SMARCA2: variants seen among roughly 807,000 people sequenced by gnomAD.
SMARCA2 encodes the protein SWI/SNF related BAF chromatin remodeling complex subunit ATPase 2.
A neutral mutation model predicts 199.8 loss-of-function variants in SMARCA2; 61 were observed. The observed-to-expected ratio is 0.31, with a 90% confidence interval of 0.25 to 0.38. The LOEUF (loss-of-function observed/expected upper bound fraction) is 0.38. SMARCA2 is among the 10% of genes least tolerant of loss of function. The pLI, the probability that SMARCA2 is intolerant of heterozygous loss-of-function variation, is 1.00. For missense variants in SMARCA2, 1,344 were observed against 2,012.2 expected (o/e 0.67, Z 6.35); for synonymous variants, 935 against 732.0 (o/e 1.28, Z -4.48).
intron 3 of SMARCA2, among the ~76,000 whole-genome samples, chr9:2,034,924 G>A (rs576490412): frequency 2.0e-5 from 3 of 152,152 alleles, no homozygotes; most frequent in East Asian, 3.9e-4. Flanking sequence ...ACTCATTCAC[G>A]GTTATGAATG....
Position 2,056,627 on chromosome 9 carries a change from T to A in SMARCA2, c.1174-45T>A, listed in dbSNP as rs1820366428. The A allele has an allele frequency of 1.3e-6, 2 of 1,575,728 alleles. No homozygotes were observed. The highest frequency in any genetic ancestry group is 2.2e-5 in the East Asian group (1 of 44,478). On this transcript the variant is annotated intron_variant, in intron 6 of 33. Transcript: ENST00000349721. This position sits in a 1 kb window ranked among gnomAD's most constrained non-coding sequence, Gnocchi z 4.0. ...GCGAGAAGGCCAGAGTTCAGGAACC[T>A]AGCTTCTGTTAGGGAAGGCTGTCTA...
At chr9:2,072,323 A>T (rs904856296) in intron 10 of SMARCA2, among the ~76,000 whole-genome samples, 3 of 152,226 alleles carry the variant, frequency 2.0e-5, no homozygotes, top group Non-Finnish European at 2.9e-5. Context: ...AGAAGTACAG[A>T]TCACCCTGCA....
chr9:2,119,689 G>T lies in SMARCA2; in HGVS notation c.3762+154G>T, dbSNP rs544967671. On this transcript the variant is annotated intron_variant, in intron 26 of 33. Coordinates refer to ENST00000349721, the MANE Select transcript of SMARCA2 (RefSeq NM_003070.5). This position sits in a 1 kb window ranked among gnomAD's most constrained non-coding sequence, Gnocchi z 4.6. ...AGAGGCTGCAAACTGGCTGGAGTTAGCCTGCAGACATATTTTGTTTGGCCC... is the reference window on the plus strand; with the variant it reads ...AGAGGCTGCAAACTGGCTGGAGTTATCCTGCAGACATATTTTGTTTGGCCC... 1.1e-4 allele frequency among the ~76,000 whole-genome samples: 16 copies of T among 152,316 alleles called. No individual in the cohort carries two copies. The highest frequency in any genetic ancestry group is 3.4e-4 in the African/African-American group (14 of 41,568).
rs1237250504 is a variant in SMARCA2 at position 2,104,186 on chromosome 9, T to G, written c.3292+17T>G. ...GCCTTGATGGTAAGTGCATAAGGCATTAGGCTCGGAAGCCATACTACTGAA... is the reference window on the plus strand; with the variant it reads ...GCCTTGATGGTAAGTGCATAAGGCAGTAGGCTCGGAAGCCATACTACTGAA... On this transcript the variant is annotated intron_variant, in intron 23 of 33. Coordinates refer to ENST00000349721, the MANE Select transcript of SMARCA2 (RefSeq NM_003070.5). This position sits in a 1 kb window ranked among gnomAD's most constrained non-coding sequence, Gnocchi z 4.0. 1.0e-5 allele frequency: 16 copies of G among 1,604,560 alleles called. No homozygotes were observed. Among genetic ancestry groups the G allele is most frequent in the Non-Finnish European group, 1.4e-5 (16 of 1,173,516 alleles).
At position 2,039,418 on chromosome 9, in the gene SMARCA2, C is replaced by A; in HGVS notation, c.356-48C>A. 1.9e-6 allele frequency: 3 copies of A among 1,571,384 alleles called. No homozygotes were observed. Among genetic ancestry groups the A allele is most frequent in the Non-Finnish European group, 2.6e-6 (3 of 1,155,462 alleles). On this transcript the variant is annotated intron_variant, in intron 3 of 33. Coordinates refer to ENST00000349721, the MANE Select transcript of SMARCA2 (RefSeq NM_003070.5). This position sits in a 1 kb window ranked among gnomAD's most constrained non-coding sequence, Gnocchi z 4.8. ...AGAGTATTCAGGGATATCTCTCTTT[C>A]AGGGTTGTCAGGGGCAGCCTGTGAT...
At chr9:2,167,041 C>G (rs1825966095) in intron 28 of SMARCA2, among the ~76,000 whole-genome samples, 1 of 152,202 alleles carries the variant, frequency 6.6e-6, no homozygotes, top group Non-Finnish European at 1.5e-5. Context: ...TACCAAGGGT[C>G]AACATGAAGT....
At chr9:2,132,530 A>C (rs1824008898) in intron 27 of SMARCA2, among the ~76,000 whole-genome samples, 1 of 152,200 alleles carries the variant, frequency 6.6e-6, no homozygotes, top group Non-Finnish European at 1.5e-5. Flanking sequence ...TTTGTCATTT[A>C]AAATCTTTTC....
At chr9:2,176,117 G>T (rs1328231426) in intron 29 of SMARCA2, among the ~76,000 whole-genome samples, 1 of 150,646 alleles carries the variant, frequency 6.6e-6, no homozygotes, top group Non-Finnish European at 1.5e-5. Flanking sequence ...CTGACCTCAG[G>T]TGATCCACCT....
chr9:2,161,919 C>G lies in SMARCA2; in HGVS notation c.4199+16C>G, dbSNP rs185935802. ...ACAAAGATAGGTGAGTGTTTGGTTC[C>G]TTCACCTTGATCATCTCTCACCAAG... On this transcript the variant is annotated intron_variant, in intron 28 of 33. Transcript: ENST00000349721. This position sits in a 1 kb window ranked among gnomAD's most constrained non-coding sequence, Gnocchi z 4.7. The G allele has an allele frequency of 6.3e-7, 1 of 1,599,978 alleles. No individual in the cohort carries two copies. Among genetic ancestry groups the G allele is most frequent in the East Asian group, 2.2e-5 (1 of 44,772 alleles).
At chr9:2,171,996 A>T (rs1186045675) in intron 29 of SMARCA2, among the ~76,000 whole-genome samples, 1 of 152,202 alleles carries the variant, frequency 6.6e-6, no homozygotes, top group Non-Finnish European at 1.5e-5. Context: ...TTCACTAAAG[A>T]CACATTTAAA....
chr9:2,056,765 C>A lies in SMARCA2; in HGVS notation c.1267C>A (p.Leu423Met). 6.2e-7 allele frequency: 1 copy of A among 1,614,212 alleles called. No individual in the cohort carries two copies. The highest frequency in any genetic ancestry group is 8.5e-7 in the Non-Finnish European group (1 of 1,180,038). ...ATACAAACGGAGCAAGCGCCAGACT[C>A]TGAGAGAAGCTCGCATGACCGAGAA... ...KAYKRSKRQT[L>M]REARMTEKLE... Residue 423 changes from leucine to methionine, a missense_variant, in exon 7 of 34, where the codon CTG becomes ATG. Coordinates refer to ENST00000349721, the MANE Select transcript of SMARCA2 (RefSeq NM_003070.5). This position sits in a 1 kb window ranked among gnomAD's most constrained non-coding sequence, Gnocchi z 4.0.
chr9:2,047,474 C>A lies in SMARCA2; in HGVS notation c.1036C>A (p.Arg346=). The A allele has an allele frequency of 3.3e-6, 5 of 1,523,130 alleles. No homozygotes were observed. Among genetic ancestry groups the A allele is most frequent in the Middle Eastern group, 1.8e-4 (1 of 5,662 alleles). The allele number at this position is 1,523,130 out of a possible 1,614,324, so 94.4% of individuals were successfully genotyped here. ...GLDPVEILQE[R]EYRLQARIAH... The stretch of plus-strand genomic sequence containing the variant: ...GGACCCCGTGGAAATTCTGCAAGAG[C>A]GGGAATACAGGTAACGCACCCCGCC... Residue 346 remains arginine, a synonymous_variant, in exon 5 of 34, where the codon CGG becomes AGG. Transcript: ENST00000349721.
intron 27 of SMARCA2, among the ~76,000 whole-genome samples, chr9:2,141,559 A>C (rs191384801): frequency 6.6e-6 from 1 of 152,306 alleles, no homozygotes; most frequent in East Asian, 1.9e-4. Flanking sequence ...CTCAAAGCTA[A>C]AATAAGAAGA....
intron 24 of SMARCA2, among the ~76,000 whole-genome samples, chr9:2,114,546 A>C (rs963948055): frequency 2.0e-5 from 3 of 152,232 alleles, no homozygotes; most frequent in Non-Finnish European, 2.9e-5. Flanking sequence ...AAAAATCTAT[A>C]CAGTCTAATG....
At chr9:2,037,603 G>A (rs1420508691) in intron 3 of SMARCA2, among the ~76,000 whole-genome samples, 5 of 152,114 alleles carry the variant, frequency 3.3e-5, no homozygotes, top group Admixed American at 3.3e-4. Flanking sequence ...AGTTGGTGGC[G>A]GTCATATATT....
chr9:2,024,164 C>T (rs553247561), intron 1 of SMARCA2, among the ~76,000 whole-genome samples: 21 of 152,152 alleles, frequency 1.4e-4, no homozygotes, highest in Non-Finnish European at 2.8e-4. Context: ...CCAAACTCTG[C>T]GACTAGAAAC....
chr9:2,134,950 C>G (rs1053152510), intron 27 of SMARCA2, among the ~76,000 whole-genome samples: 1 of 152,028 alleles, frequency 6.6e-6, no homozygotes, highest in African/African-American at 2.4e-5. Flanking sequence ...TATTTATAAG[C>G]TATATTAGGG....
chr9:2,048,888 C>T (rs1371490064), intron 5 of SMARCA2, among the ~76,000 whole-genome samples: 2 of 152,114 alleles, frequency 1.3e-5, no homozygotes, highest in East Asian at 3.8e-4. Context: ...GTGCAATAGA[C>T]TAATGTGCAG....
intron 29 of SMARCA2, among the ~76,000 whole-genome samples, chr9:2,173,963 T>A (rs1466299924): frequency 6.6e-6 from 1 of 152,158 alleles, no homozygotes; most frequent in African/African-American, 2.4e-5. Flanking sequence ...TTGCCCTCAT[T>A]ACAAATATTG....
Sources: gnomAD v4.1 joint callset for allele counts (sites outside exome capture counted in the v4.1 genomes callset) on GRCh38, gnomAD v4.1.1 for gene constraint, Gnocchi (gnomAD v3.1) non-coding constraint, MANE v1.5 for transcripts, NCBI Gene and HGNC (gene_info 2026-07-23, HGNC 2026-07-21) for gene names.